Variants in PTPRG observed in about 807,000 individuals in gnomAD.
PTPRG encodes protein tyrosine phosphatase receptor type G, also known as receptor-type tyrosine-protein phosphatase gamma.
Under a neutral mutation model 165.3 loss-of-function variants are expected in PTPRG, and 102 were observed. That is an observed-to-expected ratio of 0.62 (90% CI 0.53 to 0.73). The LOEUF (loss-of-function observed/expected upper bound fraction) is 0.73. PTPRG is among the 30% of genes least tolerant of loss of function. The probability of loss-of-function intolerance (pLI) is 0.00; values close to 1 mark genes in which losing one functional copy is unlikely to be tolerated. For synonymous variants in PTPRG, 675 were observed against 669.5 expected (o/e 1.01, Z -0.13); for missense variants, 1,866 against 1,861.4 (o/e 1.00, Z -0.05).
intron 2 of PTPRG, among the ~76,000 whole-genome samples, chr3:61,872,505 G>A (rs1439807602): frequency 6.6e-6 from 1 of 152,224 alleles, no homozygotes; most frequent in East Asian, 1.9e-4. Context: ...CATCTGTAAA[G>A]TGGGAATCAT....
chr3:62,187,048 A>C (rs893315465), intron 8 of PTPRG, among the ~76,000 whole-genome samples: 5 of 152,254 alleles, frequency 3.3e-5, no homozygotes, highest in African/African-American at 1.2e-4. Flanking sequence ...TCATTCAGCA[A>C]GTATTGATTG....
intron 2 of PTPRG, among the ~76,000 whole-genome samples, chr3:61,781,991 A>G (rs112989542): frequency 5.4e-5 from 8 of 148,352 alleles, no homozygotes; most frequent in African/African-American, 2.0e-4. Context: ...TCAACCTCCC[A>G]CCGATCTTTT....
intron 2 of PTPRG, among the ~76,000 whole-genome samples, chr3:61,892,914 T>A (rs2038256077): frequency 6.6e-6 from 1 of 152,220 alleles, no homozygotes; most frequent in African/African-American, 2.4e-5. Flanking sequence ...TGTTCAGTTT[T>A]TAATAAGACC....
At chr3:61,954,627 A>G (rs1226415969) in intron 2 of PTPRG, among the ~76,000 whole-genome samples, 4 of 152,198 alleles carry the variant, frequency 2.6e-5, no homozygotes, top group African/African-American at 9.6e-5. Context: ...GCTAGACTCA[A>G]GCGAAGCCAG....
intron 2 of PTPRG, among the ~76,000 whole-genome samples, chr3:61,874,510 TCTTC>T (rs1282974598): frequency 6.7e-6 from 1 of 148,578 alleles, no homozygotes; most frequent in East Asian, 2.5e-4. Context: ...CCTTTTTCTT[TCTTC>T]CTTTTTTTTT....
chr3:62,114,730 G>A (rs768546868), intron 5 of PTPRG, among the ~76,000 whole-genome samples: 2 of 152,114 alleles, frequency 1.3e-5, no homozygotes, highest in African/African-American at 2.4e-5. Flanking sequence ...CTGCAGCCTC[G>A]AACTCTTGAG....
intron 28 of PTPRG, among the ~76,000 whole-genome samples, chr3:62,283,940 T>C (rs1344527919): frequency 6.8e-6 from 1 of 147,710 alleles, no homozygotes; most frequent in African/African-American, 2.7e-5. Flanking sequence ...TTAAATAGCA[T>C]AAGATCAATG....
chr3:62,135,604 C>T lies in PTPRG; in HGVS notation c.682+2936C>T, dbSNP rs193127444. On this transcript the variant is annotated intron_variant, in intron 6 of 29. Coordinates refer to ENST00000474889, the MANE Select transcript of PTPRG (RefSeq NM_002841.4). The stretch of plus-strand genomic sequence containing the variant: ...TGAAGGAATAACCTGCTCATATCAG[C>T]CAACTGTATTTGGCAGTTGGTCATT... Among the ~76,000 whole-genome samples the T allele has an allele frequency of 7.2e-5, 11 of 152,244 alleles. No individual in the cohort carries two copies. The East Asian group carries it at 2.1e-3, about 29-fold the overall frequency.
chr3:61,727,545 G>A (rs750054361), intron 1 of PTPRG, among the ~76,000 whole-genome samples: 3 of 152,142 alleles, frequency 2.0e-5, no homozygotes, highest in Non-Finnish European at 4.4e-5. Flanking sequence ...ATCAAGTAAA[G>A]TTGGTTTAAA....
At chr3:61,902,214 A>G (rs2038516507) in intron 2 of PTPRG, among the ~76,000 whole-genome samples, 1 of 152,170 alleles carries the variant, frequency 6.6e-6, no homozygotes, top group South Asian at 2.1e-4. Flanking sequence ...TGGAACTGAA[A>G]GGGTTGGGCA....
intron 2 of PTPRG, among the ~76,000 whole-genome samples, chr3:61,767,245 A>AAAAAAAAAAAG (rs1559600793): frequency 1.3e-5 from 2 of 148,540 alleles, no homozygotes; most frequent in African/African-American, 4.9e-5. Context: ...CATCTCAAAA[A>AAAAAAAAAAAG]AAAAAAAAAA....
At chr3:61,913,302 C>A (rs1331081416) in intron 2 of PTPRG, among the ~76,000 whole-genome samples, 1 of 152,176 alleles carries the variant, frequency 6.6e-6, no homozygotes, top group Admixed American at 6.5e-5. Flanking sequence ...TCACTGCAAG[C>A]TCCGCCTCCT....
At chr3:61,792,668 T>TTTTCTTTC (rs199609616) in intron 2 of PTPRG, among the ~76,000 whole-genome samples, 3 of 118,152 alleles carry the variant, frequency 2.5e-5, no homozygotes, top group Non-Finnish European at 3.5e-5. Context: ...TTTTTGTGGG[T>TTTTCTTTC]TTTCTTTCTT....
chr3:62,204,028 A>C (rs747372929), intron 12 of PTPRG, 78 bp downstream of exon 12: 30 of 1,495,314 alleles, frequency 2.0e-5, no homozygotes, highest in Middle Eastern at 1.9e-4. Context: ...TGGGAGCAGA[A>C]GGTGAAGCTT....
chr3:62,232,560 A>C (rs1006715659), intron 14 of PTPRG, among the ~76,000 whole-genome samples: 63 of 152,218 alleles, frequency 4.1e-4, no homozygotes, highest in African/African-American at 1.4e-3. Context: ...ACACTTTAAA[A>C]ACCCAGCATC....
intron 5 of PTPRG, among the ~76,000 whole-genome samples, chr3:62,092,666 C>T (rs1701983617): frequency 6.6e-6 from 1 of 152,100 alleles, no homozygotes; most frequent in Non-Finnish European, 1.5e-5. Flanking sequence ...TCAGTTTCCT[C>T]ATTTGGAAAA....
chr3:61,988,950 C>A (rs2040824285), intron 2 of PTPRG, among the ~76,000 whole-genome samples: 1 of 152,006 alleles, frequency 6.6e-6, no homozygotes, highest in Admixed American at 6.6e-5. Context: ...TGGCATATGT[C>A]CCCCCAAATT....
chr3:62,050,441 A>C (rs1030642742), intron 4 of PTPRG, among the ~76,000 whole-genome samples: 10 of 152,210 alleles, frequency 6.6e-5, no homozygotes, highest in Non-Finnish European at 1.0e-4. Context: ...TTATGTAAGT[A>C]CACTCTGATG....
intron 4 of PTPRG, among the ~76,000 whole-genome samples, chr3:62,008,576 G>A (rs1472940884): frequency 6.6e-6 from 1 of 152,216 alleles, no homozygotes; most frequent in Non-Finnish European, 1.5e-5. Context: ...CTTGAGGCCA[G>A]ATGTTTTAGA....
Sources: gnomAD v4.1 joint callset for allele counts (sites outside exome capture counted in the v4.1 genomes callset) on GRCh38, gnomAD v4.1.1 for gene constraint, MANE v1.5 for transcripts, NCBI Gene and HGNC (gene_info 2026-07-23, HGNC 2026-07-21) for gene names.